The following PI4KB variants were observed in gnomAD, a reference collection of about 807,000 sequenced individuals.
PI4KB encodes phosphatidylinositol 4-kinase beta, also known as PtdIns 4-kinase beta.
PI4KB carries 23 observed loss-of-function variants against 81.4 expected under a neutral mutation model. The ratio of observed to expected loss-of-function variants is 0.28; its 90% CI spans 0.20 to 0.40. PI4KB has a LOEUF of 0.40. PI4KB is among the 10% of genes least tolerant of loss of function. The pLI is 1.00. For synonymous variants in PI4KB, 381 were observed against 406.8 expected, an observed-to-expected ratio of 0.94 and a Z score of 0.76; for missense variants, 651 against 1,036.6, an observed-to-expected ratio of 0.63 and a Z score of 5.11.
intron 2 of PI4KB, among the ~76,000 whole-genome samples, 189 bp from the exon 3 acceptor site, chr1:151,310,444 A>T (rs1696130672): frequency 6.6e-6 from 1 of 152,212 alleles, no homozygotes; most frequent in Non-Finnish European, 1.5e-5. Context: ...CTTGTAGGAG[A>T]TGCTGGAAGG....
intron 2 of PI4KB, 42 bp from the exon 3 acceptor site, chr1:151,310,297 G>A: frequency 1.3e-5 from 8 of 635,148 alleles, no homozygotes; most frequent in Admixed American, 4.6e-5. Context: ...GAGGGGGTGG[G>A]AAGGGAGGGG....
At position 151,293,416 on chromosome 1, in the gene PI4KB, C is replaced by T. The variant is rs756735365; in HGVS notation, c.2270-383G>A. The stretch of plus-strand genomic sequence containing the variant: ...GACACTCACAGATGACCTGGGCCAC[C>T]GTCATCATGGGGCCAGATGGGGATG... On this transcript the variant is annotated intron_variant, in intron 11 of 11. Transcript: ENST00000368873. 18 of 1,273,844 alleles carry T rather than the reference C, an allele frequency of 1.4e-5. 1 individual carries two copies. The highest frequency in any genetic ancestry group is 9.4e-5 in the South Asian group (7 of 74,612). The allele number at this position is 1,273,844 out of a possible 1,614,324, so 78.9% of individuals were successfully genotyped here.
At chr1:151,327,419 G>C, upstream of PI4KB, 1 of 397,766 alleles carries the variant, frequency 2.5e-6, no homozygotes, top group South Asian at 1.3e-4. Flanking sequence ...CCCCGGCTGC[G>C]GGGCTGCCCG....
chr1:151,325,730 A>G (rs1649513448), intron 1 of PI4KB, among the ~76,000 whole-genome samples: 2 of 152,220 alleles, frequency 1.3e-5, no homozygotes, highest in South Asian at 2.1e-4. Context: ...AAGGTGAAGG[A>G]AAATTCTCAG....
intron 2 of PI4KB, among the ~76,000 whole-genome samples, chr1:151,314,815 T>C (rs773820859): frequency 8.5e-5 from 13 of 152,082 alleles, no homozygotes; most frequent in Non-Finnish European, 1.6e-4. Flanking sequence ...TGTTCTAACA[T>C]CTCCCCTACC....
At chr1:151,297,190 T>TCC (rs1694874777) in intron 9 of PI4KB, among the ~76,000 whole-genome samples, 1 of 152,016 alleles carries the variant, frequency 6.6e-6, no homozygotes, top group African/African-American at 2.4e-5. Context: ...CAAGTGATCC[T>TCC]CCCACCTCAG....
rs1476887145 is a variant in PI4KB, at chr1:151,318,741, A to AATAC, written c.-28-2233_-28-2232insGTAT. Reference sequence around the variant, plus strand: ...AAATAAATAAATAAATAAATAAATAAAATTAAAGTCTTGATATATTTTTCT... The same window carrying AATAC: ...AAATAAATAAATAAATAAATAAATAAATACAATTAAAGTCTTGATATATTTTTCT... On this transcript the variant is annotated intron_variant, in intron 1 of 11. Transcript: ENST00000368873. 2.0e-5 allele frequency among the ~76,000 whole-genome samples: 3 copies of AATAC among 151,778 alleles called. No homozygotes were observed. The East Asian group carries it at 5.8e-4, about 29-fold the overall frequency.
At chr1:151,326,238 A>C in intron 1 of PI4KB, 3 of 1,561,928 alleles carry the variant, frequency 1.9e-6, no homozygotes, top group Non-Finnish European at 2.6e-6. Context: ...TAGTCAACCA[A>C]GTGTAATCTG....
chr1:151,294,910 A>G (rs1694661712), intron 9 of PI4KB, among the ~76,000 whole-genome samples: 1 of 152,226 alleles, frequency 6.6e-6, no homozygotes, highest in Non-Finnish European at 1.5e-5. Context: ...GCTGTCACAG[A>G]GGCCAAGCGC....
intron 3 of PI4KB, among the ~76,000 whole-genome samples, chr1:151,308,447 A>C (rs1332351124): frequency 6.6e-6 from 1 of 152,236 alleles, no homozygotes; most frequent in Non-Finnish European, 1.5e-5. Context: ...GCATTAATCA[A>C]GGAGAAAGAA....
chr1:151,293,131 T>C lies in PI4KB; in HGVS notation c.2270-98A>G, dbSNP rs587744559. The C allele has an allele frequency of 3.1e-5, 48 of 1,538,156 alleles. No individual in the cohort carries two copies. In the East Asian group the frequency reaches 1.1e-3, roughly 35 times the overall value. On this transcript the variant is annotated intron_variant, in intron 11 of 11. Transcript: ENST00000368873. The stretch of plus-strand genomic sequence containing the variant: ...GAGCTGGGGCATCTGAAGTGCCCTT[T>C]TCCTCCCACCTCAGGTCCTTGATGA...
chr1:151,304,579 A>G (rs1695589431), intron 5 of PI4KB, among the ~76,000 whole-genome samples: 3 of 152,014 alleles, frequency 2.0e-5, no homozygotes, highest in African/African-American at 4.8e-5. Context: ...TCCTGACCTC[A>G]GGTGATCTGC....
intron 1 of PI4KB, among the ~76,000 whole-genome samples, chr1:151,316,858 T>G (rs569677087): frequency 6.6e-6 from 1 of 152,266 alleles, no homozygotes; most frequent in African/African-American, 2.4e-5. Flanking sequence ...AGTCTCGCTC[T>G]GTCACCCAGG....
At chr1:151,302,460 T>G (rs587734353) in intron 6 of PI4KB, among the ~76,000 whole-genome samples, 162 bp from the exon 7 acceptor site, 2 of 152,240 alleles carry the variant, frequency 1.3e-5, no homozygotes, top group Admixed American at 6.5e-5. Flanking sequence ...CAATGACACC[T>G]TTTTGCTAAC....
At chr1:151,317,968 T>A (rs1297193132) in intron 1 of PI4KB, among the ~76,000 whole-genome samples, 1 of 151,736 alleles carries the variant, frequency 6.6e-6, no homozygotes. Context: ...GCCATCATGC[T>A]CAGCTAATTA....
intron 5 of PI4KB, among the ~76,000 whole-genome samples, chr1:151,305,114 G>A (rs747931359): frequency 5.9e-5 from 9 of 152,108 alleles, no homozygotes; most frequent in Non-Finnish European, 1.3e-4. Context: ...ACAGGCGTGC[G>A]CCACCGCACC....
At chr1:151,308,241 C>T (rs1426805920) in intron 3 of PI4KB, among the ~76,000 whole-genome samples, 4 of 152,184 alleles carry the variant, frequency 2.6e-5, no homozygotes, top group South Asian at 2.1e-4. Context: ...AGATCTCTGC[C>T]GAGGGGCTCC....
At chr1:151,294,806 C>T (rs587696847) in intron 9 of PI4KB, among the ~76,000 whole-genome samples, 1 of 152,284 alleles carries the variant, frequency 6.6e-6, no homozygotes, top group East Asian at 1.9e-4. Context: ...AAGATTCTCC[C>T]AATTTCCCAG....
chr1:151,293,484 G>C, intron 11 of PI4KB: 1 of 1,137,358 alleles, frequency 8.8e-7, no homozygotes. Flanking sequence ...GGGCAGGAAT[G>C]GGGAGGAGGG....
Sources: allele counts gnomAD v4.1 joint callset (sites outside exome capture counted in the v4.1 genomes callset), GRCh38; gene constraint gnomAD v4.1.1; transcripts MANE v1.5; gene names NCBI Gene and HGNC (gene_info 2026-07-23, HGNC 2026-07-21).